USP24: variants seen among roughly 807,000 people sequenced by gnomAD.
USP24 encodes ubiquitin specific peptidase 24.
A neutral mutation model predicts 361.6 loss-of-function variants in USP24; 97 were observed. That is an observed-to-expected ratio of 0.27 (90% confidence interval 0.23 to 0.32). The LOEUF is 0.32. USP24 is among the 10% of genes least tolerant of loss of function. USP24 has a pLI of 1.00. For synonymous variants in USP24, 1,098 were observed against 1,124.6 expected, an observed-to-expected ratio of 0.98 and a Z score of 0.47; for missense variants, 2,353 against 3,165.6, an observed-to-expected ratio of 0.74 and a Z score of 6.16.
At position 55,107,319 on chromosome 1, in the gene USP24, G is replaced by A. The variant is rs749961506; in HGVS notation, c.4682C>T (p.Ala1561Val). The change falls in exon 40 of 68, where the codon GCG (alanine) becomes GTG (valine). Residue 1561 changes from alanine (A) to valine (V), a missense_variant. Coordinates refer to ENST00000294383, the MANE Select transcript of USP24 (RefSeq NM_015306.3). The stretch of plus-strand genomic sequence containing the variant: ...GTGCCCTGCCAGTAAGATGTTGTCC[G>A]CTTCACTGGTCTCACATTCAGCTGT... ...NRTAECETSE[A>V]DNILLAGHLR... The A allele has an allele frequency of 5.6e-6, 9 of 1,613,868 alleles. No individual in the cohort carries two copies. The highest frequency in any genetic ancestry group is 1.1e-5 in the South Asian group (1 of 91,078).
intron 67 of USP24, 68 bp downstream of exon 67, chr1:55,071,746 G>T: frequency 1.4e-6 from 2 of 1,463,634 alleles, no homozygotes; most frequent in Non-Finnish European, 9.4e-7. Context: ...CTCAGCTGTG[G>T]AAATTCTTTT....
At chr1:55,207,920 T>C (rs181105965) in intron 1 of USP24, among the ~76,000 whole-genome samples, 143 of 152,334 alleles carry the variant, frequency 9.4e-4, no homozygotes, top group African/African-American at 3.2e-3. Context: ...TCTTTAGAAG[T>C]GGGAAGCCCT....
intron 54 of USP24, 90 bp downstream of exon 54, chr1:55,091,933 T>C: frequency 1.5e-5 from 15 of 1,004,056 alleles, no homozygotes; most frequent in Non-Finnish European, 2.2e-5. Flanking sequence ...AGGTAGCTGC[T>C]TTCACAATAT....
chr1:55,143,006 G>GT lies in USP24; in HGVS notation c.2552dup (p.Tyr851Ter). The part of the protein sequence containing the change: ...EAIQLIINYS[Y>*]INLNPRLKKD... ...TCTTTAATCTAGGATTTAGATTAATGTAACTATAGTTTATGATTAGCTGAA... is the reference window on the plus strand; with the variant it reads ...TCTTTAATCTAGGATTTAGATTAATGTTAACTATAGTTTATGATTAGCTGAA... The change falls in exon 22 of 68, where the codon TAC becomes TAAC. Residue 851 changes from tyrosine (Y) to a stop codon, truncating the protein, a stop_gained and frameshift_variant. Coordinates refer to ENST00000294383, the MANE Select transcript of USP24 (RefSeq NM_015306.3). LOFTEE classifies it high-confidence loss of function. The GT allele has an allele frequency of 6.6e-7, 1 of 1,517,244 alleles. No individual in the cohort carries two copies. The highest frequency in any genetic ancestry group is 8.9e-7 in the Non-Finnish European group (1 of 1,129,452). The allele number at this position is 1,517,244 out of a possible 1,614,324, so 94.0% of individuals were successfully genotyped here.
At chr1:55,114,660 A>G (rs956544134) in intron 38 of USP24, among the ~76,000 whole-genome samples, 9 of 152,226 alleles carry the variant, frequency 5.9e-5, no homozygotes, top group African/African-American at 2.2e-4. Context: ...TCCCTATTTA[A>G]TAAATGTTTT....
At chr1:55,188,100 A>G (rs1644182681) in intron 1 of USP24, among the ~76,000 whole-genome samples, 1 of 152,232 alleles carries the variant, frequency 6.6e-6, no homozygotes, top group Non-Finnish European at 1.5e-5. Context: ...TTTATGGTCA[A>G]TTAATTTTTC....
intron 62 of USP24, among the ~76,000 whole-genome samples, chr1:55,076,253 T>G (rs1320847050): frequency 6.6e-6 from 1 of 152,246 alleles, no homozygotes; most frequent in African/African-American, 2.4e-5. Flanking sequence ...AGTACTGAAC[T>G]GTGCATGGTA....
intron 45 of USP24, among the ~76,000 whole-genome samples, chr1:55,098,905 A>G (rs1285102899): frequency 6.6e-6 from 1 of 151,102 alleles, no homozygotes; most frequent in East Asian, 1.9e-4. Flanking sequence ...TTTGCAAGTT[A>G]CTTTAAAAAA....
Position 55,215,207 on chromosome 1 carries a change from G to A in USP24, c.-94C>T, listed in dbSNP as rs1644959998. On this transcript the variant is annotated 5_prime_UTR_variant, in exon 1 of 68. Transcript: ENST00000294383. ...GCGGCGCACCCTCCGCGCCGCCTCC[G>A]CGCCCAGGTTGGCCCCTGCGTTCCT... The A allele has an allele frequency of 7.4e-6, 8 of 1,086,096 alleles. No homozygotes were observed. The highest frequency in any genetic ancestry group is 8.1e-6 in the Non-Finnish European group (7 of 866,508). 67.3% of individuals were successfully genotyped at this position (1,086,096 alleles called of 1,614,324 possible).
At chr1:55,113,519 C>T (rs555566067) in intron 38 of USP24, among the ~76,000 whole-genome samples, 7 of 152,306 alleles carry the variant, frequency 4.6e-5, no homozygotes, top group East Asian at 3.9e-4. Context: ...GGACACCTCC[C>T]TAACTCATTT....
chr1:55,093,598 T>C, intron 52 of USP24: 1 of 203,634 alleles, frequency 4.9e-6, no homozygotes, highest in East Asian at 1.1e-4. Flanking sequence ...CTTAACTTGT[T>C]TTTCTCTCCA....
At chr1:55,093,858 G>A (rs1645435742) in intron 52 of USP24, 79 bp downstream of exon 52, 1 of 1,564,164 alleles carries the variant, frequency 6.4e-7, no homozygotes. Context: ...TAATCCAGCA[G>A]AAGTACTTCT....
chr1:55,139,968 A>C (rs1292210132), intron 24 of USP24, among the ~76,000 whole-genome samples: 1 of 152,100 alleles, frequency 6.6e-6, no homozygotes, highest in Non-Finnish European at 1.5e-5. Context: ...TAAATCACAG[A>C]CAGTATTATG....
chr1:55,099,265 T>C (rs987862334), intron 45 of USP24, among the ~76,000 whole-genome samples: 2 of 152,166 alleles, frequency 1.3e-5, no homozygotes, highest in East Asian at 1.9e-4. Context: ...TAAGAAAATA[T>C]GCAATTCTAG....
chr1:55,202,014 G>A (rs887844064), intron 1 of USP24, among the ~76,000 whole-genome samples: 7 of 152,186 alleles, frequency 4.6e-5, no homozygotes, highest in East Asian at 1.9e-4. Flanking sequence ...AGAGGTGAGA[G>A]AGGAGGGCAT....
intron 67 of USP24, among the ~76,000 whole-genome samples, chr1:55,070,225 G>A (rs541845848): frequency 6.6e-6 from 1 of 152,234 alleles, no homozygotes; most frequent in East Asian, 1.9e-4. Context: ...GGTCTTTAAG[G>A]TATGCCAAGT....
intron 1 of USP24, among the ~76,000 whole-genome samples, chr1:55,195,586 A>G (rs565108988): frequency 1.2e-4 from 18 of 152,344 alleles, no homozygotes; most frequent in Admixed American, 8.5e-4. Flanking sequence ...GAGTATTACG[A>G]AAGTACATAA....
chr1:55,135,784 C>T (rs928473168), intron 28 of USP24, among the ~76,000 whole-genome samples: 1 of 151,818 alleles, frequency 6.6e-6, no homozygotes. Context: ...GAAAAAAAAC[C>T]CTATATGTCT....
At chr1:55,074,335 G>A (rs1001458232) in intron 63 of USP24, among the ~76,000 whole-genome samples, 2 of 152,036 alleles carry the variant, frequency 1.3e-5, no homozygotes, top group African/African-American at 4.8e-5. Context: ...TATGTTTTAG[G>A]GATTTAAACA....
Sources: allele counts gnomAD v4.1 joint callset (sites outside exome capture counted in the v4.1 genomes callset), GRCh38; gene constraint gnomAD v4.1.1; transcripts MANE v1.5; gene names NCBI Gene and HGNC (gene_info 2026-07-23, HGNC 2026-07-21).